SGCZ: variants seen among roughly 807,000 people sequenced by gnomAD.
SGCZ encodes the protein zeta-sarcoglycan.
Under a neutral mutation model 41.3 loss-of-function variants are expected in SGCZ, and 40 were observed. The ratio of observed to expected loss-of-function variants is 0.97; its 90% CI spans 0.75 to 1.26. The LOEUF is 1.26. Ranked by LOEUF, SGCZ falls within the 50% of genes most tolerant of loss-of-function variation. The pLI, the probability that SGCZ is intolerant of heterozygous loss-of-function variation, is 0.00. For missense variants in SGCZ, 552 were observed against 369.8 expected (o/e 1.49, Z -4.04); for synonymous variants, 206 against 137.5 (o/e 1.50, Z -3.49).
chr8:14,335,548 T>C (rs1802479224), intron 2 of SGCZ, among the ~76,000 whole-genome samples: 1 of 152,172 alleles, frequency 6.6e-6, no homozygotes, highest in Non-Finnish European at 1.5e-5. Context: ...GCATACTTTC[T>C]AAGTTTTATT....
chr8:14,144,625 T>C (rs1803467732), intron 5 of SGCZ, among the ~76,000 whole-genome samples: 1 of 152,174 alleles, frequency 6.6e-6, no homozygotes, highest in Admixed American at 6.5e-5. Flanking sequence ...GACCAAGTCT[T>C]GTATCTTAAG....
chr8:14,874,139 T>G (rs1804262886), intron 1 of SGCZ, among the ~76,000 whole-genome samples: 1 of 152,184 alleles, frequency 6.6e-6, no homozygotes, highest in Non-Finnish European at 1.5e-5. Context: ...TTTGAGAACT[T>G]CTAACTTCAT....
intron 4 of SGCZ, among the ~76,000 whole-genome samples, chr8:14,182,925 G>C (rs542011502): frequency 1.3e-5 from 2 of 149,828 alleles, no homozygotes; most frequent in Non-Finnish European, 3.0e-5. Flanking sequence ...CAGGAGAATC[G>C]CTTGAACCCA....
intron 1 of SGCZ, among the ~76,000 whole-genome samples, chr8:14,681,242 G>C (rs1178408620): frequency 6.6e-6 from 1 of 151,956 alleles, no homozygotes; most frequent in Non-Finnish European, 1.5e-5. Context: ...GAGGAAAAAA[G>C]ACATTATGTA....
Position 15,150,289 on chromosome 8 carries a change from A to G in SGCZ, c.39+87296T>C, listed in dbSNP as rs545631564. ...AAGTTATTACAATTGATAAAAAATTAAAACTGTCAGCTATTCTGAATATAT... is the reference window on the plus strand; with the variant it reads ...AAGTTATTACAATTGATAAAAAATTGAAACTGTCAGCTATTCTGAATATAT... On this transcript the variant is annotated intron_variant, in intron 1 of 7. Transcript: ENST00000382080. Among the ~76,000 whole-genome samples the G allele has an allele frequency of 2.7e-3, 411 of 152,350 alleles. 2 individuals are homozygous for G. Among genetic ancestry groups the G allele is most frequent in the African/African-American group, 9.5e-3 (395 of 41,592 alleles).
intron 1 of SGCZ, among the ~76,000 whole-genome samples, chr8:15,221,351 T>G (rs886956419): frequency 6.6e-6 from 1 of 152,174 alleles, no homozygotes; most frequent in East Asian, 1.9e-4. Context: ...GAGTAAGATT[T>G]ATTTTCAGGT....
intron 1 of SGCZ, among the ~76,000 whole-genome samples, chr8:14,647,067 G>T (rs921980191): frequency 6.6e-6 from 1 of 151,920 alleles, no homozygotes; most frequent in African/African-American, 2.4e-5. Context: ...AAAGAAAGGG[G>T]AAGCCCATTT....
intron 1 of SGCZ, among the ~76,000 whole-genome samples, chr8:14,645,394 T>G (rs909257822): frequency 2.7e-5 from 4 of 149,454 alleles, no homozygotes; most frequent in African/African-American, 9.8e-5. Flanking sequence ...TGGCGTCCTC[T>G]AAAACTTTTT....
intron 1 of SGCZ, among the ~76,000 whole-genome samples, chr8:14,860,726 G>GAAAGAAAGAAAT (rs2130678211): frequency 7.4e-6 from 1 of 136,018 alleles, no homozygotes; most frequent in African/African-American, 2.6e-5. Flanking sequence ...AAGAAAGAAA[G>GAAAGAAAGAAAT]AAAGAAAGAA....
chr8:14,787,983 G>C (rs1800825681), intron 1 of SGCZ, among the ~76,000 whole-genome samples: 1 of 152,094 alleles, frequency 6.6e-6, no homozygotes, highest in African/African-American at 2.4e-5. Flanking sequence ...AAATATATCA[G>C]ATGACCACGA....
intron 1 of SGCZ, among the ~76,000 whole-genome samples, chr8:14,948,876 T>TC (rs1362311508): frequency 7.2e-4 from 47 of 65,088 alleles, no homozygotes; most frequent in Non-Finnish European, 5.2e-4. Flanking sequence ...TTACAGCTTT[T>TC]TTCTCTCTCT....
intron 1 of SGCZ, among the ~76,000 whole-genome samples, chr8:14,746,438 G>A (rs1296429053): frequency 6.6e-6 from 1 of 152,206 alleles, no homozygotes; most frequent in South Asian, 2.1e-4. Context: ...TAGCATTTCA[G>A]TATAAGTTGG....
At chr8:14,330,535 T>C (rs890112830) in intron 2 of SGCZ, among the ~76,000 whole-genome samples, 2 of 152,082 alleles carry the variant, frequency 1.3e-5, no homozygotes, top group Admixed American at 6.5e-5. Context: ...TTGTTGACAT[T>C]CAAACCTACG....
intron 1 of SGCZ, among the ~76,000 whole-genome samples, chr8:14,828,495 T>G (rs1393716708): frequency 6.6e-6 from 1 of 152,220 alleles, no homozygotes; most frequent in Admixed American, 6.5e-5. Context: ...TGCTGAGTTT[T>G]CGATGGAAAT....
At chr8:14,578,793 A>G (rs1267975005) in intron 1 of SGCZ, among the ~76,000 whole-genome samples, 3 of 152,208 alleles carry the variant, frequency 2.0e-5, no homozygotes, top group African/African-American at 7.2e-5. Flanking sequence ...AGGGTCTAGT[A>G]TAGTCATTAA....
Position 14,229,978 on chromosome 8 carries a change from G to C in SGCZ, c.424+7614C>G, listed in dbSNP as rs746186179. Among the ~76,000 whole-genome samples, 5 of 152,056 alleles carry C rather than the reference G, an allele frequency of 3.3e-5. 1 individual carries two copies. The highest frequency in any genetic ancestry group is 4.1e-4 in the South Asian group (2 of 4,832). ...TAAAACTTTTTATATGCCATAACTTGATGAAAGAGTAAAAGCATAGCTAGG... is the reference window on the plus strand; with the variant it reads ...TAAAACTTTTTATATGCCATAACTTCATGAAAGAGTAAAAGCATAGCTAGG... On this transcript the variant is annotated intron_variant, in intron 4 of 7. Coordinates refer to ENST00000382080, the MANE Select transcript of SGCZ (RefSeq NM_139167.4).
At chr8:14,358,768 G>A (rs1327744588) in intron 2 of SGCZ, among the ~76,000 whole-genome samples, 2 of 151,868 alleles carry the variant, frequency 1.3e-5, no homozygotes, top group African/African-American at 2.4e-5. Flanking sequence ...GTGCCACCAT[G>A]CCCGGCTAAT....
chr8:14,973,821 T>C (rs1175824239), intron 1 of SGCZ, among the ~76,000 whole-genome samples: 1 of 152,222 alleles, frequency 6.6e-6, no homozygotes, highest in African/African-American at 2.4e-5. Flanking sequence ...TTTAATATTA[T>C]TCTTGCAGGA....
rs1380023846 is a variant in SGCZ, at chr8:15,099,270, T to TA, written c.39+138314dup. On this transcript the variant is annotated intron_variant, in intron 1 of 7. Coordinates refer to ENST00000382080, the MANE Select transcript of SGCZ (RefSeq NM_139167.4). ...AAAATAGAGCAACCAAATATATATG[T>TA]AAAAAAATACTAAAATGGAAATTAC... is the stretch of plus-strand genomic sequence containing the variant. 3.9e-5 allele frequency among the ~76,000 whole-genome samples: 6 copies of TA among 152,014 alleles called. No homozygotes were observed. The South Asian group carries it at 8.3e-4, about 21-fold the overall frequency.
Sources: allele counts gnomAD v4.1 joint callset (sites outside exome capture counted in the v4.1 genomes callset), GRCh38; gene constraint gnomAD v4.1.1; transcripts MANE v1.5; gene names NCBI Gene and HGNC (gene_info 2026-07-23, HGNC 2026-07-21).